ENPEP: variants seen among roughly 807,000 people sequenced by gnomAD.
The protein encoded by ENPEP is glutamyl aminopeptidase.
Under a neutral mutation model 114.5 loss-of-function variants are expected in ENPEP, and 103 were observed. That is an observed-to-expected ratio of 0.90 (90% CI 0.77 to 1.06). The LOEUF is 1.06. Among genes scored for constraint, ENPEP ranks in the 50% least tolerant of loss-of-function variants. The probability of loss-of-function intolerance (pLI) is 0.00; values close to 1 mark genes in which losing one functional copy is unlikely to be tolerated. For missense variants in ENPEP, 1,196 were observed against 1,161.3 expected (o/e 1.03, Z -0.43); for synonymous variants, 420 against 422.0 (o/e 1.00, Z 0.06).
chr4:110,517,314 CAT>C (rs1446091571), intron 8 of ENPEP, among the ~76,000 whole-genome samples: 4 of 152,142 alleles, frequency 2.6e-5, no homozygotes, highest in Admixed American at 1.3e-4. Context: ...TTTAATTACA[CAT>C]GTTACGTCAT....
At chr4:110,506,879 G>A in intron 4 of ENPEP, 122 bp downstream of exon 4, 1 of 925,744 alleles carries the variant, frequency 1.1e-6, no homozygotes, top group Non-Finnish European at 1.6e-6. Flanking sequence ...TTTATTCTAT[G>A]CCGACAATAT....
intron 18 of ENPEP, among the ~76,000 whole-genome samples, chr4:110,558,373 G>A (rs756980839): frequency 6.6e-6 from 1 of 150,464 alleles, no homozygotes; most frequent in African/African-American, 2.5e-5. Context: ...CTGCAGCCTC[G>A]ACCTCCCCAG....
chr4:110,510,973 C>T (rs1725551762), intron 6 of ENPEP, among the ~76,000 whole-genome samples: 2 of 152,138 alleles, frequency 1.3e-5, no homozygotes, highest in South Asian at 4.1e-4. Context: ...TAGTGTGTCC[C>T]TCAGAGGCCT....
chr4:110,549,734 G>A lies in ENPEP; in HGVS notation c.2349G>A (p.Arg783=), dbSNP rs762108816. 7 of 1,612,904 alleles carry A rather than the reference G, an allele frequency of 4.3e-6. No homozygotes were observed. Among genetic ancestry groups the A allele is most frequent in the Non-Finnish European group, 5.1e-6 (6 of 1,179,454 alleles). Residue 783 remains arginine (R), a synonymous_variant, in exon 17 of 20, where the codon AGG becomes AGA. Transcript: ENST00000265162. ...NGTVSLPVNL[R]LLVYRYGMQN... ...CTTCTAGCCTTCCCGTAAATCTCAG[G>A]CTTCTGGTGTATCGGTATGGGATGC...
chr4:110,530,633 T>C (rs1726373616), intron 10 of ENPEP, among the ~76,000 whole-genome samples: 2 of 152,212 alleles, frequency 1.3e-5, no homozygotes, highest in Non-Finnish European at 2.9e-5. Flanking sequence ...GAAACATGCT[T>C]ACCTGATGAT....
chr4:110,559,891 G>T (rs1722368763), intron 19 of ENPEP, among the ~76,000 whole-genome samples, 166 bp downstream of exon 19: 1 of 152,124 alleles, frequency 6.6e-6, no homozygotes, highest in African/African-American at 2.4e-5. Flanking sequence ...CCGCCATCTA[G>T]GTTTTAAGCC....
At chr4:110,529,659 C>T (rs1236641920) in intron 10 of ENPEP, among the ~76,000 whole-genome samples, 3 of 152,156 alleles carry the variant, frequency 2.0e-5, no homozygotes, top group East Asian at 1.9e-4. Context: ...TCCAGAAGGA[C>T]GTAAATTCCC....
chr4:110,496,110 A>G (rs984580835), intron 3 of ENPEP, among the ~76,000 whole-genome samples: 1 of 152,192 alleles, frequency 6.6e-6, no homozygotes, highest in African/African-American at 2.4e-5. Context: ...CTCTCTGTGA[A>G]TGGGTTCTTC....
At chr4:110,515,577 G>C in intron 8 of ENPEP, 135 bp downstream of exon 8, 2 of 717,496 alleles carry the variant, frequency 2.8e-6, no homozygotes, top group Non-Finnish European at 4.7e-6. Flanking sequence ...TATAGCAAAA[G>C]ATAAAAACAT....
Position 110,477,002 on chromosome 4 carries a change from G to A in ENPEP, c.588G>A (p.Leu196=), listed in dbSNP as rs776290811. Residue 196 remains leucine, a synonymous_variant, in exon 1 of 20, where the codon CTG becomes CTA. Transcript: ENST00000265162. ...YLLTMEFAGW[L]NGSLVGFYRT... ...TGACCATGGAGTTCGCCGGCTGGCT[G>A]AACGGCTCCCTCGTGGGATTTTATA... 3.1e-6 allele frequency: 5 copies of A among 1,614,196 alleles called. No homozygotes were observed. The highest frequency in any genetic ancestry group is 3.4e-6 in the Non-Finnish European group (4 of 1,180,042).
In ENPEP at chr4:110,563,793, G is replaced by A. The variant is rs1363676289; in HGVS notation, c.*2235G>A. The stretch of plus-strand genomic sequence containing the variant: ...CTCCTGTATTCCAGATCATTGCTAT[G>A]TACCCACATAATTATAAATTAGGAG... On this transcript the variant is annotated 3_prime_UTR_variant, in exon 20 of 20. Coordinates refer to ENST00000265162, the MANE Select transcript of ENPEP (RefSeq NM_001977.4). The A allele has an allele frequency of 6.6e-6, 1 of 152,098 alleles. No individual in the cohort carries two copies. Among genetic ancestry groups the A allele is most frequent in the Non-Finnish European group, 1.5e-5 (1 of 68,020 alleles). The allele number at this position is 152,098 out of a possible 1,614,324, so 9.4% of individuals were successfully genotyped here. A position where few individuals can be genotyped will look rare whatever the true frequency, so the allele number is the denominator to read the frequency against.
At chr4:110,534,710 T>A (rs1162214642) in intron 11 of ENPEP, among the ~76,000 whole-genome samples, 1 of 151,822 alleles carries the variant, frequency 6.6e-6, no homozygotes, top group Non-Finnish European at 1.5e-5. Context: ...GGTTTCACAA[T>A]GTTGGCCAGG....
At chr4:110,505,893 AT>A (rs1725353829) in intron 3 of ENPEP, among the ~76,000 whole-genome samples, 1 of 152,170 alleles carries the variant, frequency 6.6e-6, no homozygotes, top group South Asian at 2.1e-4. Context: ...ATTCTTGAAA[AT>A]TTTTTATAAA....
chr4:110,510,277 G>A lies in ENPEP; in HGVS notation c.1227G>A (p.Trp409Ter). 1 of 1,614,116 alleles carries A rather than the reference G, an allele frequency of 6.2e-7. No homozygotes were observed. The highest frequency in any genetic ancestry group is 8.5e-7 in the Non-Finnish European group (1 of 1,180,012). Reference protein sequence around the residue: ...WFGNIVTMDWWEDLWLNEGFA... With the variant: ...WFGNIVTMDW ...GAAATATTGTGACCATGGACTGGTG[G>A]GAAGACTTGTGGCTAAATGAAGGAT... is the stretch of plus-strand genomic sequence containing the variant. The change falls in exon 6 of 20, where the codon TGG (tryptophan) becomes TGA (stop). Residue 409 changes from tryptophan (W) to a stop codon, truncating the protein, a stop_gained. Coordinates refer to ENST00000265162, the MANE Select transcript of ENPEP (RefSeq NM_001977.4). LOFTEE classifies it high-confidence loss of function.
At chr4:110,539,714 A>G (rs758992368) in intron 11 of ENPEP, among the ~76,000 whole-genome samples, 3 of 152,172 alleles carry the variant, frequency 2.0e-5, no homozygotes, top group Admixed American at 6.5e-5. Flanking sequence ...ATCAAATGAT[A>G]CACAAAATTT....
chr4:110,476,298 A>G lies in ENPEP; in HGVS notation c.-117A>G, dbSNP rs754934683. The stretch of plus-strand genomic sequence containing the variant: ...AAGCCAGAGAGAGGGGTGTGGGAAA[A>G]GCGAAAACAGGCTGCCAAATCAGGG... On this transcript the variant is annotated 5_prime_UTR_variant, in exon 1 of 20. Transcript: ENST00000265162. The G allele has an allele frequency of 1.0e-4, 135 of 1,343,252 alleles. No individual in the cohort carries two copies. The highest frequency in any genetic ancestry group is 1.3e-4 in the Non-Finnish European group (126 of 993,342). The allele number at this position is 1,343,252 out of a possible 1,614,324, so 83.2% of individuals were successfully genotyped here. A position where few individuals can be genotyped will look rare whatever the true frequency, so the allele number is the denominator to read the frequency against.
chr4:110,558,914 A>C (rs1445253930), intron 18 of ENPEP, among the ~76,000 whole-genome samples: 1 of 152,206 alleles, frequency 6.6e-6, no homozygotes, highest in African/African-American at 2.4e-5. Context: ...CATGCCAGCA[A>C]CTAATAAAGC....
At chr4:110,527,087 G>A (rs982690162) in intron 10 of ENPEP, among the ~76,000 whole-genome samples, 1 of 151,994 alleles carries the variant, frequency 6.6e-6, no homozygotes, top group South Asian at 2.1e-4. Context: ...TACAATTCAG[G>A]GCTTGGGGAA....
At chr4:110,560,729 TA>T (rs1399011210) in intron 19 of ENPEP, among the ~76,000 whole-genome samples, 1 of 152,198 alleles carries the variant, frequency 6.6e-6, no homozygotes, top group Non-Finnish European at 1.5e-5. Context: ...ATTTCAAAAC[TA>T]ATCTCAAATC....
Sources: gnomAD v4.1 joint callset for allele counts (sites outside exome capture counted in the v4.1 genomes callset) on GRCh38, gnomAD v4.1.1 for gene constraint, MANE v1.5 for transcripts, NCBI Gene and HGNC (gene_info 2026-07-23, HGNC 2026-07-21) for gene names.